The following C12orf56 variants were observed in gnomAD, a reference collection of about 807,000 sequenced individuals.
The protein encoded by C12orf56 is uncharacterized protein C12orf56.
In C12orf56, 71 loss-of-function variants were observed where a neutral mutation model predicts 69.9. The ratio of observed to expected loss-of-function variants is 1.02; its 90% CI spans 0.84 to 1.24. The LOEUF is 1.24. C12orf56 is among the 50% of genes most tolerant of loss of function. C12orf56 has a pLI of 0.00. For missense variants in C12orf56, 732 were observed against 738.5 expected, an observed-to-expected ratio of 0.99 and a Z score of 0.10; for synonymous variants, 276 against 274.1, an observed-to-expected ratio of 1.01 and a Z score of -0.07.
intron 1 of C12orf56, among the ~76,000 whole-genome samples, chr12:64,364,015 T>A (rs549485281): frequency 5.4e-4 from 82 of 152,096 alleles, no homozygotes; most frequent in African/African-American, 1.8e-3. Context: ...TTTTTTTTTT[T>A]TAAAAAAGAG....
Position 64,303,740 on chromosome 12 carries a change from A to T in C12orf56, c.1008T>A (p.Ser336=), listed in dbSNP as rs749543001. Residue 336 remains serine (S), a synonymous_variant, in exon 6 of 13, where the codon TCT becomes TCA. Coordinates refer to ENST00000543942, the MANE Select transcript of C12orf56 (RefSeq NM_001170633.2). ...AAGAATTGTCTTTAAGAAAAAGTTC[A>T]GATTTAAGTTGACTGAAGTGCTTAA... is the stretch of plus-strand genomic sequence containing the variant. The part of the protein sequence containing the change: ...EKIKHFSQLK[S]ELFLKDNSLR... The T allele has an allele frequency of 4.4e-6, 7 of 1,587,560 alleles. No individual in the cohort carries two copies. In the South Asian group the frequency reaches 7.0e-5, roughly 16 times the overall value.
chr12:64,325,264 G>T (rs1457630489), intron 3 of C12orf56, among the ~76,000 whole-genome samples: 2 of 151,768 alleles, frequency 1.3e-5, no homozygotes, highest in African/African-American at 2.4e-5. Flanking sequence ...AGTGGAGCTG[G>T]GCATGCCTGT....
intron 2 of C12orf56, among the ~76,000 whole-genome samples, chr12:64,346,250 G>A (rs1340021897): frequency 6.6e-6 from 1 of 152,154 alleles, no homozygotes; most frequent in African/African-American, 2.4e-5. Flanking sequence ...GGAGCCCGAC[G>A]TTCGAGGGCA....
At chr12:64,313,274 A>AAAAAAAGAAAGAAAGAAAGAAAGAAAG (rs762664621) in intron 4 of C12orf56, among the ~76,000 whole-genome samples, 12 of 81,402 alleles carry the variant, frequency 1.5e-4, no homozygotes, top group South Asian at 5.3e-4. Flanking sequence ...AAAAAAAAAA[A>AAAAAAAGAAAGAAAGAAAGAAAGAAAG]AAAGAAAGAA....
intron 12 of C12orf56, among the ~76,000 whole-genome samples, chr12:64,268,842 C>G (rs2037944536): frequency 6.6e-6 from 1 of 151,960 alleles, no homozygotes; most frequent in Admixed American, 6.6e-5. Context: ...TCATGGAAGA[C>G]AAAAAGTCCA....
intron 2 of C12orf56, among the ~76,000 whole-genome samples, chr12:64,334,868 G>C (rs2038973094): frequency 6.6e-6 from 1 of 151,998 alleles, no homozygotes; most frequent in South Asian, 2.1e-4. Flanking sequence ...GGTCTTTTCT[G>C]TTTTTCTAGA....
chr12:64,312,226 T>C (rs912713870), intron 5 of C12orf56, among the ~76,000 whole-genome samples: 2 of 152,186 alleles, frequency 1.3e-5, no homozygotes, highest in African/African-American at 4.8e-5. Context: ...GTCCAGTGGA[T>C]ACCTGTGTTT....
intron 5 of C12orf56, among the ~76,000 whole-genome samples, chr12:64,309,104 T>C (rs1164879618): frequency 6.6e-6 from 1 of 152,216 alleles, no homozygotes; most frequent in Non-Finnish European, 1.5e-5. Context: ...AACACACATA[T>C]ATACTTTTTA....
intron 1 of C12orf56, among the ~76,000 whole-genome samples, chr12:64,363,285 G>A (rs2039421541): frequency 6.6e-6 from 1 of 152,160 alleles, no homozygotes. Context: ...CATGTTACCT[G>A]CTGAAGGAAA....
At chr12:64,306,991 A>T (rs1315474782) in intron 5 of C12orf56, among the ~76,000 whole-genome samples, 2 of 152,170 alleles carry the variant, frequency 1.3e-5, no homozygotes. Context: ...TATTGCCTTC[A>T]GGAATTAACT....
intron 1 of C12orf56, among the ~76,000 whole-genome samples, chr12:64,376,558 T>G (rs542463389): frequency 2.4e-4 from 36 of 152,302 alleles, no homozygotes; most frequent in African/African-American, 8.2e-4. Context: ...ACCCAGGTGT[T>G]AAGCCCAGCA....
chr12:64,336,581 G>A (rs1030236709), intron 2 of C12orf56, among the ~76,000 whole-genome samples: 1 of 152,268 alleles, frequency 6.6e-6, no homozygotes, highest in South Asian at 2.1e-4. Context: ...AGGAGACCTG[G>A]TGAGCAACCA....
At chr12:64,386,299 C>T (rs764979316) in intron 1 of C12orf56, among the ~76,000 whole-genome samples, 5 of 151,562 alleles carry the variant, frequency 3.3e-5, no homozygotes, top group African/African-American at 1.2e-4. Flanking sequence ...CTGCAACTTC[C>T]GCCTCCCGGG....
At chr12:64,321,005 C>T (rs1317940911) in intron 3 of C12orf56, among the ~76,000 whole-genome samples, 1 of 152,234 alleles carries the variant, frequency 6.6e-6, no homozygotes, top group Admixed American at 6.5e-5. Flanking sequence ...CTCCTCTGCT[C>T]AGCTTTTCAG....
intron 8 of C12orf56, among the ~76,000 whole-genome samples, chr12:64,278,569 G>C (rs142372509): frequency 6.6e-6 from 1 of 152,056 alleles, no homozygotes; most frequent in African/African-American, 2.4e-5. Context: ...GCGAATTGAC[G>C]TATGCATCAC....
At chr12:64,282,425 C>T (rs2038141476) in intron 8 of C12orf56, among the ~76,000 whole-genome samples, 1 of 152,148 alleles carries the variant, frequency 6.6e-6, no homozygotes, top group African/African-American at 2.4e-5. Flanking sequence ...CGTGATAAGC[C>T]AAAACTATTT....
chr12:64,376,571 C>T (rs1232126070), intron 1 of C12orf56, among the ~76,000 whole-genome samples: 1 of 152,152 alleles, frequency 6.6e-6, no homozygotes, highest in Non-Finnish European at 1.5e-5. Context: ...GCCCAGCATC[C>T]ACTAGCTATT....
intron 2 of C12orf56, chr12:64,338,405 T>C (rs1362809861): frequency 3.4e-5 from 25 of 729,848 alleles, no homozygotes; most frequent in Non-Finnish European, 1.3e-5. Context: ...AACATCGTTT[T>C]TGGTGGCAAC....
chr12:64,374,796 G>GAGT (rs1372306278), intron 1 of C12orf56, among the ~76,000 whole-genome samples: 2 of 151,960 alleles, frequency 1.3e-5, no homozygotes, highest in Non-Finnish European at 2.9e-5. Flanking sequence ...TGCCTACCTT[G>GAGT]GCTTCCCAAA....
Sources: allele counts gnomAD v4.1 joint callset (sites outside exome capture counted in the v4.1 genomes callset), GRCh38; gene constraint gnomAD v4.1.1; transcripts MANE v1.5; gene names NCBI Gene and HGNC (gene_info 2026-07-23, HGNC 2026-07-21).